ZNF704: variants seen among roughly 807,000 people sequenced by gnomAD.
ZNF704 encodes the protein zinc finger protein 704.
Under a neutral mutation model 44.7 loss-of-function variants are expected in ZNF704, and 10 were observed. The ratio of observed to expected loss-of-function variants is 0.22; its 90% CI spans 0.14 to 0.38. ZNF704 has a LOEUF of 0.38. Among genes scored for constraint, ZNF704 ranks in the 10% least tolerant of loss-of-function variants. ZNF704 has a pLI of 1.00. For synonymous variants in ZNF704, 211 were observed against 207.6 expected (o/e 1.02, Z -0.14); for missense variants, 390 against 545.5 (o/e 0.71, Z 2.84).
At chr8:80,794,875 T>C (rs1807771469) in intron 2 of ZNF704, among the ~76,000 whole-genome samples, 1 of 152,256 alleles carries the variant, frequency 6.6e-6, no homozygotes, top group African/African-American at 2.4e-5. Context: ...GTCTGGTTTC[T>C]ATGATGCCAT....
chr8:80,796,888 T>TGGAAAGGGAAAGAGAAAG (rs1227047244), intron 2 of ZNF704, among the ~76,000 whole-genome samples: 6 of 114,794 alleles, frequency 5.2e-5, no homozygotes, highest in East Asian at 5.1e-4. Flanking sequence ...GAGAGGGAAA[T>TGGAAAGGGAAAGAGAAAG]GGAAAGGGAA....
chr8:80,717,710 T>C (rs1819093472), intron 2 of ZNF704, among the ~76,000 whole-genome samples: 1 of 152,206 alleles, frequency 6.6e-6, no homozygotes, highest in Non-Finnish European at 1.5e-5. Flanking sequence ...TACCACTAGT[T>C]TTTTTCTCCT....
intron 1 of ZNF704, among the ~76,000 whole-genome samples, chr8:80,846,721 G>T (rs950160838): frequency 6.6e-6 from 1 of 152,114 alleles, no homozygotes; most frequent in Non-Finnish European, 1.5e-5. Context: ...CATCATTAGA[G>T]ACAAAGAATA....
chr8:80,803,780 C>G (rs1165914379), intron 2 of ZNF704, among the ~76,000 whole-genome samples: 1 of 152,132 alleles, frequency 6.6e-6, no homozygotes, highest in African/African-American at 2.4e-5. Flanking sequence ...CAGGCAAAGA[C>G]TTCATGGCGA....
At chr8:80,867,441 G>C (rs932170786) in intron 1 of ZNF704, among the ~76,000 whole-genome samples, 5 of 151,974 alleles carry the variant, frequency 3.3e-5, no homozygotes, top group Admixed American at 3.3e-4. Context: ...CAATAAATTG[G>C]GGTTGGCAGA....
intron 2 of ZNF704, among the ~76,000 whole-genome samples, chr8:80,797,268 T>C (rs1807821811): frequency 6.6e-6 from 1 of 152,162 alleles, no homozygotes; most frequent in South Asian, 2.1e-4. Context: ...GTGTTGGCCC[T>C]GCTCTCACAG....
In ZNF704 at chr8:80,641,115, C is replaced by T. The variant is rs146351216; in HGVS notation, c.*251G>A. On this transcript the variant is annotated 3_prime_UTR_variant, in exon 9 of 9. Transcript: ENST00000327835. Reference sequence around the variant, plus strand: ...CATACAGCAAAAAAAGTTGACTTTTCTTTTGAAGGAAAAAAAACTAGTTAT... The same window carrying T: ...CATACAGCAAAAAAAGTTGACTTTTTTTTTGAAGGAAAAAAAACTAGTTAT... 9.1e-3 allele frequency: 2,648 copies of T among 289,568 alleles called. 17 individuals are homozygous for T. The highest frequency in any genetic ancestry group is 0.012 in the Non-Finnish European group (1,904 of 157,070). The allele number at this position is 289,568 out of a possible 1,614,324, so 17.9% of individuals were successfully genotyped here. A position where few individuals can be genotyped will look rare whatever the true frequency, so the allele number is the denominator to read the frequency against.
At chr8:80,788,667 G>A (rs1397783819) in intron 2 of ZNF704, among the ~76,000 whole-genome samples, 1 of 152,202 alleles carries the variant, frequency 6.6e-6, no homozygotes, top group African/African-American at 2.4e-5. Flanking sequence ...CACCTATGAA[G>A]GAAGGCGGAG....
chr8:80,754,778 T>C (rs531068403), intron 2 of ZNF704, among the ~76,000 whole-genome samples: 17 of 152,296 alleles, frequency 1.1e-4, no homozygotes, highest in African/African-American at 3.4e-4. Flanking sequence ...TGACATGTGT[T>C]GCTTCTCTAA....
chr8:80,870,296 T>C (rs1180680622), intron 1 of ZNF704, among the ~76,000 whole-genome samples: 1 of 152,224 alleles, frequency 6.6e-6, no homozygotes, highest in East Asian at 1.9e-4. Flanking sequence ...CTGTATCCCA[T>C]CTTTTAAAAA....
intron 5 of ZNF704, among the ~76,000 whole-genome samples, chr8:80,669,745 C>A (rs1028543162): frequency 2.0e-5 from 3 of 152,176 alleles, no homozygotes; most frequent in Admixed American, 2.0e-4. Context: ...TTCTGACTTA[C>A]AGCCTCTCAA....
intron 2 of ZNF704, among the ~76,000 whole-genome samples, chr8:80,807,533 C>G (rs896507986): frequency 9.9e-5 from 15 of 151,162 alleles, no homozygotes; most frequent in African/African-American, 3.4e-4. Flanking sequence ...TCTAATTGAC[C>G]CCCCCCAAAA....
At chr8:80,856,939 C>G (rs113645980) in intron 1 of ZNF704, among the ~76,000 whole-genome samples, 1,787 of 152,220 alleles carry the variant, frequency 0.012, 33 homozygotes, top group African/African-American at 0.04. Flanking sequence ...TAATCAATTT[C>G]TGGAGAACTG....
chr8:80,659,507 T>C lies in ZNF704; in HGVS notation c.1032+78A>G, dbSNP rs569471127. 1.6e-5 allele frequency: 18 copies of C among 1,127,744 alleles called. No individual in the cohort carries two copies. The Admixed American group carries it at 2.6e-4, about 16-fold the overall frequency. The allele number at this position is 1,127,744 out of a possible 1,614,324, so 69.9% of individuals were successfully genotyped here. A position where few individuals can be genotyped will look rare whatever the true frequency, so the allele number is the denominator to read the frequency against. ...TTCTGATGTTTGTATTTTTCTTGCA[T>C]GCCTCTACTATTTGTTCGCTAAATT... On this transcript the variant is annotated intron_variant, in intron 7 of 8. Transcript: ENST00000327835.
intron 1 of ZNF704, among the ~76,000 whole-genome samples, chr8:80,844,829 TTTTATTTA>T (rs60668049): frequency 1.3e-4 from 19 of 148,852 alleles, no homozygotes; most frequent in South Asian, 4.3e-4. Flanking sequence ...TTTCTTCTCT[TTTTATTTA>T]TTTATTTATT....
chr8:80,635,537 G>A lies in ZNF704; in HGVS notation c.*5829C>T, dbSNP rs1817652570. 6.6e-6 allele frequency: 1 copy of A among 152,124 alleles called. No homozygotes were observed. Among genetic ancestry groups the A allele is most frequent in the Non-Finnish European group, 1.5e-5 (1 of 68,024 alleles). The allele number at this position is 152,124 out of a possible 1,614,324, so 9.4% of individuals were successfully genotyped here. On this transcript the variant is annotated 3_prime_UTR_variant, in exon 9 of 9. Coordinates refer to ENST00000327835, the MANE Select transcript of ZNF704 (RefSeq NM_001033723.3). Reference sequence around the variant, plus strand: ...ACCTAAGAATTCTATCTTTGGGCCTGTCTACTATGATTTTAGAAATTTCCA... The same window carrying A: ...ACCTAAGAATTCTATCTTTGGGCCTATCTACTATGATTTTAGAAATTTCCA...
At chr8:80,786,156 G>A (rs540439934) in intron 2 of ZNF704, among the ~76,000 whole-genome samples, 54 of 152,260 alleles carry the variant, frequency 3.5e-4, no homozygotes, top group Non-Finnish European at 6.6e-4. Context: ...CCAGCTACTC[G>A]GGAGGCTGAA....
rs775946320 is a variant in ZNF704, at chr8:80,670,561, C to G, written c.601G>C (p.Gly201Arg). The G allele has an allele frequency of 1.2e-6, 2 of 1,614,046 alleles. No homozygotes were observed. The highest frequency in any genetic ancestry group is 2.2e-5 in the South Asian group (2 of 91,062). ...CCTGCTGCAGTGCTCAGCACCTTCC[C>G]ACAGTTTTTCCAGAGGCATTTGAAC... ...VMFKCLWKNCGKVLSTAAGIQ... is the reference protein window; with the variant it reads ...VMFKCLWKNCRKVLSTAAGIQ... Residue 201 changes from glycine (G) to arginine (R), a missense_variant, in exon 5 of 9, where the codon GGG becomes CGG. This residue lies in a region of ZNF704 where 305 missense variants were observed against 435.7 expected (regional missense o/e 0.70). Coordinates refer to ENST00000327835, the MANE Select transcript of ZNF704 (RefSeq NM_001033723.3).
chr8:80,743,461 T>C (rs1806796725), intron 2 of ZNF704, among the ~76,000 whole-genome samples: 1 of 152,180 alleles, frequency 6.6e-6, no homozygotes, highest in Non-Finnish European at 1.5e-5. Flanking sequence ...CCACATGTAA[T>C]GATAAATAAA....
Sources: gnomAD v4.1 joint callset for allele counts (sites outside exome capture counted in the v4.1 genomes callset) on GRCh38, gnomAD v4.1.1 for gene constraint, gnomAD v4.1.1 regional missense constraint, MANE v1.5 for transcripts, NCBI Gene and HGNC (gene_info 2026-07-23, HGNC 2026-07-21) for gene names.